XKR4: variants seen among roughly 807,000 people sequenced by gnomAD.
XKR4 encodes the protein XK-related protein 4.
A neutral mutation model predicts 53.9 loss-of-function variants in XKR4; 12 were observed. That is an observed-to-expected ratio of 0.22 (90% CI 0.14 to 0.36). XKR4 has a LOEUF of 0.36. Ranked by LOEUF, XKR4 falls within the 10% of genes least tolerant of loss-of-function variation. XKR4 has a pLI of 1.00. For missense variants in XKR4, 799 were observed against 859.5 expected (o/e 0.93, Z 0.88); for synonymous variants, 354 against 362.4 (o/e 0.98, Z 0.26).
Position 55,472,827 on chromosome 8 carries a change from C to T in XKR4, c.1007-50454C>T, listed in dbSNP as rs183575980. On this transcript the variant is annotated intron_variant, in intron 2 of 2. Transcript: ENST00000327381. ...AATGGGGGGTGAGGAAACGGAGGCA[C>T]CACAGGTAGATTTATGCTTTGCACT... Among the ~76,000 whole-genome samples the T allele has an allele frequency of 2.5e-3, 376 of 152,148 alleles. 1 individual carries two copies. Among genetic ancestry groups the T allele is most frequent in the Non-Finnish European group, 5.0e-3 (337 of 68,002 alleles).
intron 2 of XKR4, among the ~76,000 whole-genome samples, chr8:55,480,709 G>A (rs191111954): frequency 0.42 from 61,970 of 146,796 alleles, 13,474 homozygotes; most frequent in East Asian, 0.53. Flanking sequence ...CAAAGACTCA[G>A]GATACAAAAT....
intron 1 of XKR4, among the ~76,000 whole-genome samples, chr8:55,152,820 T>G (rs1585907451): frequency 6.6e-6 from 1 of 152,184 alleles, no homozygotes; most frequent in East Asian, 1.9e-4. Flanking sequence ...AAATCCAATT[T>G]AAGCTCATCC....
intron 2 of XKR4, among the ~76,000 whole-genome samples, chr8:55,508,097 A>G (rs557947286): frequency 6.6e-6 from 1 of 152,050 alleles, no homozygotes; most frequent in African/African-American, 2.4e-5. Flanking sequence ...TTTTATTGCT[A>G]GCTAGCATAC....
In XKR4 at chr8:55,523,694, CT is replaced by C; in HGVS notation, c.1421del (p.Leu474ProfsTer27). 1 of 1,614,174 alleles carries C rather than the reference CT, an allele frequency of 6.2e-7. No homozygotes were observed. Among genetic ancestry groups the C allele is most frequent in the Non-Finnish European group, 8.5e-7 (1 of 1,180,034 alleles). ...TTTGGAAAATACAGCCTTGAGTGCC[CT>C]CTGGTACCTCTACAAGGCTCCCCAG... is the stretch of plus-strand genomic sequence containing the variant. The part of the protein sequence containing the change: ...ILLENTALSA[L>X]WYLYKAPQIA... On this transcript the variant is annotated frameshift_variant, in exon 3 of 3. Coordinates refer to ENST00000327381, the MANE Select transcript of XKR4 (RefSeq NM_052898.2). LOFTEE classifies it high-confidence loss of function.
At position 55,188,965 on chromosome 8, in the gene XKR4, T is replaced by C. The variant is rs62517000; in HGVS notation, c.806+85671T>C. Among the ~76,000 whole-genome samples the C allele has an allele frequency of 3.8e-3, 578 of 152,292 alleles. 5 individuals are homozygous for C. The highest frequency in any genetic ancestry group is 4.8e-3 in the Non-Finnish European group (328 of 68,018). ...GCTGGAAGATATGGAATGCCTGCTC[T>C]GTGGTAGGTGATAGGATTCACAAAT... On this transcript the variant is annotated intron_variant, in intron 1 of 2. Coordinates refer to ENST00000327381, the MANE Select transcript of XKR4 (RefSeq NM_052898.2).
chr8:55,457,965 G>A (rs954175907), intron 2 of XKR4, among the ~76,000 whole-genome samples: 10 of 152,004 alleles, frequency 6.6e-5, no homozygotes, highest in African/African-American at 2.4e-4. Flanking sequence ...ACCATAAAAC[G>A]TTACTGTGAG....
rs1194659683 is a variant in XKR4, at chr8:55,113,934, A to G, written c.806+10640A>G. On this transcript the variant is annotated intron_variant, in intron 1 of 2. Coordinates refer to ENST00000327381, the MANE Select transcript of XKR4 (RefSeq NM_052898.2). ...CTTTTTAGTGGCTGTATAGTATTCCATGGCATCTATGTATTACATTTTCTT... is the reference window on the plus strand; with the variant it reads ...CTTTTTAGTGGCTGTATAGTATTCCGTGGCATCTATGTATTACATTTTCTT... Among the ~76,000 whole-genome samples, 3 of 152,156 alleles carry G rather than the reference A, an allele frequency of 2.0e-5. No homozygotes were observed. In the East Asian group the frequency reaches 5.8e-4, roughly 29 times the overall value.
At chr8:55,345,702 C>T (rs999808892) in intron 1 of XKR4, among the ~76,000 whole-genome samples, 3 of 152,168 alleles carry the variant, frequency 2.0e-5, no homozygotes, top group South Asian at 2.1e-4. Context: ...TCAGCATGAG[C>T]GGGACATTAC....
intron 1 of XKR4, among the ~76,000 whole-genome samples, chr8:55,247,580 T>C (rs1350046416): frequency 1.3e-5 from 2 of 152,162 alleles, no homozygotes; most frequent in African/African-American, 2.4e-5. Flanking sequence ...ATCTTACAAC[T>C]ATGAGTCCTA....
chr8:55,420,249 C>G (rs1021310875), intron 2 of XKR4, among the ~76,000 whole-genome samples: 9 of 152,084 alleles, frequency 5.9e-5, no homozygotes, highest in Admixed American at 2.6e-4. Context: ...TCTAGAACAA[C>G]AAAAACAAAT....
At chr8:55,362,541 G>T (rs1774313639) in intron 2 of XKR4, among the ~76,000 whole-genome samples, 2 of 152,146 alleles carry the variant, frequency 1.3e-5, no homozygotes. Context: ...AAGTTAAAAA[G>T]TCTTGAGACT....
chr8:55,277,079 G>A (rs1818774648), intron 1 of XKR4, among the ~76,000 whole-genome samples: 1 of 152,152 alleles, frequency 6.6e-6, no homozygotes. Flanking sequence ...TTGGATCATT[G>A]AGCAATGAGT....
chr8:55,461,476 A>G (rs556802447), intron 2 of XKR4, among the ~76,000 whole-genome samples: 4 of 152,234 alleles, frequency 2.6e-5, no homozygotes, highest in Admixed American at 6.5e-5. Flanking sequence ...CCAACTGTAC[A>G]TCACTATCAT....
At chr8:55,188,920 C>G (rs75874832) in intron 1 of XKR4, among the ~76,000 whole-genome samples, 1 of 152,112 alleles carries the variant, frequency 6.6e-6, no homozygotes, top group Non-Finnish European at 1.5e-5. Context: ...CAGTTAAAGT[C>G]GGTTATTATT....
chr8:55,292,868 T>C (rs1464439849), intron 1 of XKR4, among the ~76,000 whole-genome samples: 1 of 152,222 alleles, frequency 6.6e-6, no homozygotes, highest in Non-Finnish European at 1.5e-5. Flanking sequence ...TTTTTTAATT[T>C]CTTTTGAAAC....
At chr8:55,312,811 C>G (rs183543931) in intron 1 of XKR4, among the ~76,000 whole-genome samples, 84 of 152,222 alleles carry the variant, frequency 5.5e-4, no homozygotes, top group African/African-American at 1.9e-3. Flanking sequence ...CCAAAGACAG[C>G]TATATAATCT....
In XKR4 at chr8:55,523,813, T is replaced by C. The variant is rs1806839497; in HGVS notation, c.1539T>C (p.Phe513=). The change falls in exon 3 of 3, where the codon TTT becomes TTC. Residue 513 remains phenylalanine (F), a synonymous_variant. Coordinates refer to ENST00000327381, the MANE Select transcript of XKR4 (RefSeq NM_052898.2). ...VVFMLMYYAF[F]HPNGPRFGQS... ...TTATGCTGATGTATTATGCCTTCTT[T>C]CATCCCAATGGACCCAGATTCGGGC... The C allele has an allele frequency of 6.2e-7, 1 of 1,614,212 alleles. No homozygotes were observed. The highest frequency in any genetic ancestry group is 8.5e-7 in the Non-Finnish European group (1 of 1,180,034).
At chr8:55,449,152 C>A (rs1217634916) in intron 2 of XKR4, among the ~76,000 whole-genome samples, 1 of 139,914 alleles carries the variant, frequency 7.1e-6, no homozygotes, top group Admixed American at 7.5e-5. Flanking sequence ...GATATTTATT[C>A]TAGATTTATT....
At chr8:55,384,272 G>A (rs1445743615) in intron 2 of XKR4, among the ~76,000 whole-genome samples, 1 of 152,210 alleles carries the variant, frequency 6.6e-6, no homozygotes, top group South Asian at 2.1e-4. Flanking sequence ...GCAGGAAAAG[G>A]CATGAGCAAA....
Sources: gnomAD v4.1 joint callset for allele counts (sites outside exome capture counted in the v4.1 genomes callset) on GRCh38, gnomAD v4.1.1 for gene constraint, MANE v1.5 for transcripts, NCBI Gene and HGNC (gene_info 2026-07-23, HGNC 2026-07-21) for gene names.